POT1: variants seen among roughly 807,000 people sequenced by gnomAD.
The protein encoded by POT1 is protection of telomeres 1.
A neutral mutation model predicts 78.5 loss-of-function variants in POT1; 47 were observed. That is an observed-to-expected ratio of 0.60 (90% confidence interval 0.47 to 0.76). The LOEUF (loss-of-function observed/expected upper bound fraction) is 0.76. Ranked by LOEUF, POT1 falls within the 30% of genes least tolerant of loss-of-function variation. POT1 has a pLI of 0.00. For synonymous variants in POT1, 259 were observed against 260.7 expected (o/e 0.99, Z 0.06); for missense variants, 646 against 749.9 (o/e 0.86, Z 1.62).
At position 124,851,700 on chromosome 7, in the gene POT1, A is replaced by AG. The variant is rs34904451; in HGVS notation, c.949+171dup. 1,112 of 602,178 alleles carry AG rather than the reference A, an allele frequency of 1.8e-3. 11 individuals are homozygous for AG. Among genetic ancestry groups the AG allele is most frequent in the African/African-American group, 0.017 (909 of 53,620 alleles). 37.3% of individuals were successfully genotyped at this position (602,178 alleles called of 1,614,324 possible). A position where few individuals can be genotyped will look rare whatever the true frequency, so the allele number is the denominator to read the frequency against. On this transcript the variant is annotated intron_variant, in intron 11 of 18. Coordinates refer to ENST00000357628, the MANE Select transcript of POT1 (RefSeq NM_015450.3). ...GAAAACGTAATTATATAATTTAGGAAGAAACCATGTTTACTTTTTGGCATA... is the reference window on the plus strand; with the variant it reads ...GAAAACGTAATTATATAATTTAGGAAGGAAACCATGTTTACTTTTTGGCATA...
intron 9 of POT1, among the ~76,000 whole-genome samples, chr7:124,854,435 A>G (rs1032989196): frequency 6.6e-6 from 1 of 151,548 alleles, no homozygotes; most frequent in Non-Finnish European, 1.5e-5. Context: ...TATAAAAGGA[A>G]ACGTTTAAAA....
intron 16 of POT1, among the ~76,000 whole-genome samples, chr7:124,828,624 C>A (rs1304089811): frequency 1.3e-5 from 2 of 152,058 alleles, no homozygotes; most frequent in East Asian, 3.9e-4. Context: ...TTAGCACCTA[C>A]TCCCAGGAAC....
At chr7:124,917,057 G>A (rs1181773131) in intron 2 of POT1, among the ~76,000 whole-genome samples, 1 of 152,080 alleles carries the variant, frequency 6.6e-6, no homozygotes, top group East Asian at 1.9e-4. Flanking sequence ...TTCTATCCCT[G>A]TTAGGGATGG....
chr7:124,913,452 C>T (rs1007991550), intron 3 of POT1, among the ~76,000 whole-genome samples: 2 of 152,050 alleles, frequency 1.3e-5, no homozygotes, highest in Admixed American at 6.5e-5. Context: ...TGATAATGTC[C>T]TTTGATGCAT....
At chr7:124,850,291 G>A (rs1012447457) in intron 11 of POT1, among the ~76,000 whole-genome samples, 2 of 152,166 alleles carry the variant, frequency 1.3e-5, no homozygotes, top group African/African-American at 4.8e-5. Flanking sequence ...CAAAAAGCCT[G>A]CACTTGAATC....
At chr7:124,904,070 TG>T (rs1459572726) in intron 3 of POT1, among the ~76,000 whole-genome samples, 2 of 152,142 alleles carry the variant, frequency 1.3e-5, no homozygotes, top group African/African-American at 4.8e-5. Context: ...GATCCACAGC[TG>T]AATTCTACCA....
chr7:124,835,585 TA>T (rs899884861), intron 14 of POT1, among the ~76,000 whole-genome samples, 171 bp from the exon 15 acceptor site: 1 of 152,164 alleles, frequency 6.6e-6, no homozygotes, highest in Non-Finnish European at 1.5e-5. Context: ...ATACATTGAT[TA>T]AAAAAATCAA....
intron 9 of POT1, 157 bp from the exon 10 acceptor site, chr7:124,853,295 A>G (rs769184002): frequency 4.1e-5 from 24 of 581,398 alleles, no homozygotes; most frequent in Admixed American, 6.5e-5. Context: ...GTGTGGTTGA[A>G]TATCAGCTGC....
In POT1 at chr7:124,853,020, C is replaced by T. The variant is rs1450862341; in HGVS notation, c.821G>A (p.Gly274Glu). Residue 274 changes from glycine to glutamate, a missense_variant, in exon 10 of 19, where the codon GGA becomes GAA. Coordinates refer to ENST00000357628, the MANE Select transcript of POT1 (RefSeq NM_015450.3). ...GTTACTTTCTGGCAAGACCCTGATTCCCCGACCGTAACTGGTACCTCCATG... is the reference window on the plus strand; with the variant it reads ...GTTACTTTCTGGCAAGACCCTGATTTCCCGACCGTAACTGGTACCTCCATG... ...HLHGGTSYGR[G>E]IRVLPESNSD... The T allele has an allele frequency of 6.2e-7, 1 of 1,613,332 alleles. No homozygotes were observed. The highest frequency in any genetic ancestry group is 8.5e-7 in the Non-Finnish European group (1 of 1,179,520).
intron 10 of POT1, among the ~76,000 whole-genome samples, chr7:124,852,453 A>C (rs1204000282): frequency 6.6e-6 from 1 of 152,186 alleles, no homozygotes; most frequent in African/African-American, 2.4e-5. Context: ...AATACTCACT[A>C]GGAATACCTT....
At chr7:124,850,029 C>T (rs1470727149) in intron 11 of POT1, among the ~76,000 whole-genome samples, 1 of 151,980 alleles carries the variant, frequency 6.6e-6, no homozygotes, top group Non-Finnish European at 1.5e-5. Context: ...TATTATGACA[C>T]ATATTACAGT....
intron 3 of POT1, among the ~76,000 whole-genome samples, chr7:124,906,816 C>A (rs1167585155): frequency 6.6e-6 from 1 of 151,924 alleles, no homozygotes; most frequent in Non-Finnish European, 1.5e-5. Flanking sequence ...CTCTTAGGAT[C>A]CAGTTTCCAT....
intron 8 of POT1, among the ~76,000 whole-genome samples, chr7:124,859,653 A>G: frequency 6.6e-6 from 1 of 151,722 alleles, no homozygotes. Context: ...TCTTCTCCAA[A>G]CCGTATTACA....
At chr7:124,886,814 CATG>C (rs1449122329) in intron 6 of POT1, among the ~76,000 whole-genome samples, 1 of 151,956 alleles carries the variant, frequency 6.6e-6, no homozygotes, top group Non-Finnish European at 1.5e-5. Context: ...CATGAGAAAA[CATG>C]ATTTTTCTAA....
chr7:124,870,761 G>T, intron 7 of POT1, 150 bp downstream of exon 7: 1 of 492,864 alleles, frequency 2.0e-6, no homozygotes, highest in Non-Finnish European at 3.1e-6. Context: ...ATTATTTGAA[G>T]TCTGATAATA....
chr7:124,868,208 C>G (rs1488798496), intron 7 of POT1, among the ~76,000 whole-genome samples: 1 of 152,024 alleles, frequency 6.6e-6, no homozygotes, highest in Non-Finnish European at 1.5e-5. Flanking sequence ...CCTTGCTCAA[C>G]CAAAGACAAC....
intron 15 of POT1, among the ~76,000 whole-genome samples, chr7:124,832,324 T>C (rs1456400340): frequency 6.6e-6 from 1 of 150,836 alleles, no homozygotes; most frequent in East Asian, 2.0e-4. Flanking sequence ...AAATGGTGGA[T>C]ACGTAATTGT....
At chr7:124,883,696 G>T (rs898423292) in intron 6 of POT1, among the ~76,000 whole-genome samples, 2 of 151,788 alleles carry the variant, frequency 1.3e-5, no homozygotes, top group African/African-American at 4.8e-5. Context: ...ATATGCATAA[G>T]TCTGTATACG....
chr7:124,825,892 C>T (rs982739136), intron 17 of POT1, among the ~76,000 whole-genome samples: 1 of 152,126 alleles, frequency 6.6e-6, no homozygotes, highest in Admixed American at 6.5e-5. Flanking sequence ...CTCCTCTCAA[C>T]TATAACTCAG....
Sources: gnomAD v4.1 joint callset for allele counts (sites outside exome capture counted in the v4.1 genomes callset) on GRCh38, gnomAD v4.1.1 for gene constraint, MANE v1.5 for transcripts, NCBI Gene and HGNC (gene_info 2026-07-23, HGNC 2026-07-21) for gene names.